Variants in MLPH observed in about 807,000 individuals in gnomAD.
MLPH encodes melanophilin, also known as exophilin-3.
Under a neutral mutation model 72.1 loss-of-function variants are expected in MLPH, and 51 were observed. That is an observed-to-expected ratio of 0.71 (90% CI 0.56 to 0.89). MLPH has a LOEUF of 0.89. Among genes scored for constraint, MLPH ranks in the 40% least tolerant of loss-of-function variants. MLPH has a pLI of 0.00. For missense variants in MLPH, 743 were observed against 759.9 expected (o/e 0.98, Z 0.26); for synonymous variants, 301 against 310.1 (o/e 0.97, Z 0.31).
At chr2:237,525,914 G>A (rs1324559096) in intron 7 of MLPH, 109 bp downstream of exon 7, 1 of 1,096,148 alleles carries the variant, frequency 9.1e-7, no homozygotes, top group Non-Finnish European at 1.3e-6. Flanking sequence ...TGATTTGAAA[G>A]GCCCCTTCCT....
intron 6 of MLPH, among the ~76,000 whole-genome samples, chr2:237,525,135 G>A (rs769871027): frequency 5.9e-5 from 9 of 152,168 alleles, no homozygotes; most frequent in Non-Finnish European, 1.0e-4. Context: ...AGGGATGTCC[G>A]GATTACAGCC....
In MLPH at chr2:237,503,539, G is replaced by A. The variant is rs543705294; in HGVS notation, c.111-7035G>A. Among the ~76,000 whole-genome samples the A allele has an allele frequency of 8.3e-4, 127 of 152,264 alleles. 1 individual carries two copies. Among genetic ancestry groups the A allele is most frequent in the African/African-American group, 2.9e-3 (121 of 41,560 alleles). ...GCCGTCTTTCCGTCCTCTGCCAGCC[G>A]TTAGCCCTGACGTGAGGTTTACTTT... On this transcript the variant is annotated intron_variant, in intron 2 of 15. Coordinates refer to ENST00000264605, the MANE Select transcript of MLPH (RefSeq NM_024101.7).
At chr2:237,498,704 T>G (rs2079586273) in intron 2 of MLPH, among the ~76,000 whole-genome samples, 1 of 152,190 alleles carries the variant, frequency 6.6e-6, no homozygotes, top group Non-Finnish European at 1.5e-5. Context: ...ATAATCTCTC[T>G]CTCAAGTCAT....
chr2:237,520,481 T>C (rs2080158407), intron 6 of MLPH, among the ~76,000 whole-genome samples: 1 of 152,198 alleles, frequency 6.6e-6, no homozygotes, highest in African/African-American at 2.4e-5. Context: ...CCTGTGATGC[T>C]GGCAGCTATT....
intron 1 of MLPH, among the ~76,000 whole-genome samples, chr2:237,490,528 C>G (rs2106447889): frequency 6.6e-6 from 1 of 152,262 alleles, no homozygotes; most frequent in East Asian, 1.9e-4. Flanking sequence ...TTTTCTTCCT[C>G]ACACATCATG....
intron 2 of MLPH, among the ~76,000 whole-genome samples, chr2:237,506,091 C>A (rs141008141): frequency 2.0e-5 from 3 of 152,352 alleles, no homozygotes; most frequent in Non-Finnish European, 4.4e-5. Context: ...AGTTCTCAAA[C>A]CTTTGGGCCT....
At chr2:237,536,168 C>T (rs1427149335) in intron 9 of MLPH, among the ~76,000 whole-genome samples, 1 of 152,116 alleles carries the variant, frequency 6.6e-6, no homozygotes, top group Admixed American at 6.5e-5. Flanking sequence ...GGCATGAGAC[C>T]AAGTGGGAAG....
chr2:237,533,780 G>A (rs1029692878), intron 8 of MLPH, among the ~76,000 whole-genome samples: 8 of 152,368 alleles, frequency 5.3e-5, no homozygotes, highest in South Asian at 4.1e-4. Flanking sequence ...GGCGTGGGCC[G>A]AGGTCTAACT....
Position 237,519,777 on chromosome 2 carries a change from G to T in MLPH, c.556-133G>T, listed in dbSNP as rs529880590. 452 of 1,287,732 alleles carry T rather than the reference G, an allele frequency of 3.5e-4. No homozygotes were observed. The African/African-American group carries it at 5.8e-3, about 17-fold the overall frequency. The allele number at this position is 1,287,732 out of a possible 1,614,324, so 79.8% of individuals were successfully genotyped here. A position where few individuals can be genotyped will look rare whatever the true frequency, so the allele number is the denominator to read the frequency against. ...GTCAGGTTTGTTCCTAGTGGAGGGG[G>T]TGGATGTGCTGGGAGAGGAGCCTGC... On this transcript the variant is annotated intron_variant, in intron 5 of 15. Transcript: ENST00000264605.
chr2:237,553,581 C>T lies in MLPH; in HGVS notation c.1792C>T (p.His598Tyr), dbSNP rs781024401. 8.1e-6 allele frequency: 13 copies of T among 1,614,084 alleles called. 1 individual carries two copies. The South Asian group carries it at 1.3e-4, about 16-fold the overall frequency. ...TACTTTACAGAAACCTGTGGTGGCC[C>T]ACCAGTCCTAACGGGACAGGACAGA... ...SHTFAKPVVA[H>Y]QS Residue 598 changes from histidine to tyrosine, a missense_variant, in exon 16 of 16, where the codon CAC becomes TAC. Transcript: ENST00000264605.
intron 2 of MLPH, among the ~76,000 whole-genome samples, chr2:237,507,583 A>C (rs1177892520): frequency 6.6e-6 from 1 of 152,180 alleles, no homozygotes; most frequent in Non-Finnish European, 1.5e-5. Flanking sequence ...TTTCATATGC[A>C]CACCAAAAGA....
At position 237,505,006 on chromosome 2, in the gene MLPH, C is replaced by T. The variant is rs373175605; in HGVS notation, c.111-5568C>T. ...CCCAGACTCTGCTCACTTACCGGGT[C>T]TCTGTTCCTGGCTCAGCTTCTCTTC... On this transcript the variant is annotated intron_variant, in intron 2 of 15. Transcript: ENST00000264605. This position sits in a 1 kb window ranked among gnomAD's most constrained non-coding sequence, Gnocchi z 4.5. Among the ~76,000 whole-genome samples, 1 of 152,220 alleles carries T rather than the reference C, an allele frequency of 6.6e-6. No individual in the cohort carries two copies. Among genetic ancestry groups the T allele is most frequent in the Non-Finnish European group, 1.5e-5 (1 of 68,036 alleles).
chr2:237,530,100 C>G (rs74727763), intron 8 of MLPH, among the ~76,000 whole-genome samples: 1 of 152,208 alleles, frequency 6.6e-6, no homozygotes, highest in Non-Finnish European at 1.5e-5. Flanking sequence ...GTGCACAGGA[C>G]GACCTGAGAT....
rs2080645935 is a variant in MLPH at position 237,540,384 on chromosome 2, G to C, written c.1141G>C (p.Glu381Gln). Residue 381 changes from glutamate (E) to glutamine (Q), a missense_variant, in exon 10 of 16, where the codon GAG (glutamate) becomes CAG (glutamine). Glu to Gln is a conservative substitution (Grantham distance 29). Coordinates refer to ENST00000264605, the MANE Select transcript of MLPH (RefSeq NM_024101.7). ...GAGVRTEADV[E>Q]EEALRRKLEE... ...TGGAGTGCGCACGGAGGCCGATGTA[G>C]AGGAGGAGGCCCTGAGGAGGAAGCT... is the stretch of plus-strand genomic sequence containing the variant. 4 of 1,612,648 alleles carry C rather than the reference G, an allele frequency of 2.5e-6. No homozygotes were observed. The highest frequency in any genetic ancestry group is 8.5e-7 in the Non-Finnish European group (1 of 1,179,978).
Position 237,540,523 on chromosome 2 carries a change from C to T in MLPH, c.1280C>T (p.Ala427Val), listed in dbSNP as rs368351972. The T allele has an allele frequency of 2.6e-4, 422 of 1,610,946 alleles. No individual in the cohort carries two copies. Among genetic ancestry groups the T allele is most frequent in the Non-Finnish European group, 3.4e-4 (405 of 1,179,646 alleles). The change falls in exon 10 of 16, where the codon GCG becomes GTG. Residue 427 changes from alanine to valine, a missense_variant. By Grantham distance (64) the Ala-to-Val change is moderately conservative (BLOSUM62 0). Transcript: ENST00000264605. Reference sequence around the variant, plus strand: ...AAATCAGTTGGGCCTCTCCCCCAGGCGGACCCGGAGGTAAGACTATCCCCC... The same window carrying T: ...AAATCAGTTGGGCCTCTCCCCCAGGTGGACCCGGAGGTAAGACTATCCCCC... ...RDKSVGPLPQ[A>V]DPEVGTAAHQ...
chr2:237,547,267 G>T (rs1414206055), intron 13 of MLPH, among the ~76,000 whole-genome samples: 1 of 152,276 alleles, frequency 6.6e-6, no homozygotes, highest in Admixed American at 6.5e-5. Flanking sequence ...AGGGACTCGG[G>T]GGGTGTGAGC....
chr2:237,503,725 G>T (rs964347519), intron 2 of MLPH, among the ~76,000 whole-genome samples: 1 of 152,082 alleles, frequency 6.6e-6, no homozygotes, highest in African/African-American at 2.4e-5. Flanking sequence ...TGTGGATTTT[G>T]TCTTTGAGGA....
Position 237,549,209 on chromosome 2 carries a change from T to G in MLPH, c.1618-12T>G. The G allele has an allele frequency of 6.2e-7, 1 of 1,613,148 alleles. No homozygotes were observed. Among genetic ancestry groups the G allele is most frequent in the Non-Finnish European group, 8.5e-7 (1 of 1,179,090 alleles). On this transcript the variant is annotated splice_polypyrimidine_tract_variant and intron_variant, in intron 13 of 15. Transcript: ENST00000264605. ...AACTTGATGAAGCCTGGAGACACTC[T>G]GTTTCTTCTAGGCAATGGCTGTGCC...
At chr2:237,540,273 C>T in intron 9 of MLPH, 75 bp from the exon 10 acceptor site, 5 of 1,542,124 alleles carry the variant, frequency 3.2e-6, no homozygotes, top group Non-Finnish European at 3.5e-6. Flanking sequence ...CCTGGCCCAT[C>T]TCCCAGAGCC....
Sources: gnomAD v4.1 joint callset for allele counts (sites outside exome capture counted in the v4.1 genomes callset) on GRCh38, gnomAD v4.1.1 for gene constraint, Gnocchi (gnomAD v3.1) non-coding constraint, MANE v1.5 for transcripts, NCBI Gene and HGNC (gene_info 2026-07-23, HGNC 2026-07-21) for gene names.